LRP4: variants seen among roughly 807,000 people sequenced by gnomAD.
The protein encoded by LRP4 is LDL receptor related protein 4, also known as low-density lipoprotein receptor-related protein 4.
In LRP4, 95 loss-of-function variants were observed where a neutral mutation model predicts 220.3. The ratio of observed to expected loss-of-function variants is 0.43; its 90% CI spans 0.37 to 0.51. The LOEUF (loss-of-function observed/expected upper bound fraction) is 0.51. Among genes scored for constraint, LRP4 ranks in the 20% least tolerant of loss-of-function variants. LRP4 has a pLI of 0.00. For synonymous variants in LRP4, 903 were observed against 954.6 expected, an observed-to-expected ratio of 0.95 and a Z score of 1.00; for missense variants, 1,925 against 2,567.0, an observed-to-expected ratio of 0.75 and a Z score of 5.40.
chr11:46,896,190 C>T lies in LRP4; in HGVS notation c.1048+20G>A, dbSNP rs199512829. 7.7e-5 allele frequency: 124 copies of T among 1,613,280 alleles called. No homozygotes were observed. In the East Asian group the frequency reaches 1.5e-3, roughly 20 times the overall value. On this transcript the variant is annotated intron_variant, in intron 9 of 37. Coordinates refer to ENST00000378623, the MANE Select transcript of LRP4 (RefSeq NM_002334.4). ...TCGGCCACAAACCATGGGCCAGGTC[C>T]GCCCACTGGGGACACTCACGGCAAT...
At chr11:46,864,882 A>C (rs1176991728) in intron 35 of LRP4, among the ~76,000 whole-genome samples, 1 of 152,242 alleles carries the variant, frequency 6.6e-6, no homozygotes, top group Non-Finnish European at 1.5e-5. Flanking sequence ...GTATATATGC[A>C]TGTGCACACA....
intron 10 of LRP4, 114 bp from the exon 11 acceptor site, chr11:46,895,405 G>A: frequency 6.9e-7 from 1 of 1,449,790 alleles, no homozygotes; most frequent in East Asian, 2.3e-5. Flanking sequence ...AGGCCTAGTG[G>A]GAAGGCTGTC....
intron 34 of LRP4, among the ~76,000 whole-genome samples, chr11:46,866,285 T>G (rs939458483): frequency 6.6e-6 from 1 of 151,536 alleles, no homozygotes; most frequent in South Asian, 2.1e-4. Context: ...TTATTTTTTG[T>G]TTTTTGTTTT....
At chr11:46,898,062 C>CA (rs558000426) in intron 7 of LRP4, among the ~76,000 whole-genome samples, 9,132 of 138,782 alleles carry the variant, frequency 0.066, 994 homozygotes, top group African/African-American at 0.24. Context: ...CTGACCCCCC[C>CA]ACCTCCCTCC....
chr11:46,909,106 C>T (rs1009256752), intron 1 of LRP4, among the ~76,000 whole-genome samples: 5 of 152,138 alleles, frequency 3.3e-5, no homozygotes, highest in Non-Finnish European at 7.3e-5. Flanking sequence ...TGTCTAGCGG[C>T]ACTGCTCTCC....
rs1941984210 is a variant in LRP4 at position 46,918,306 on chromosome 11, T to C, written c.52+22A>G. The stretch of plus-strand genomic sequence containing the variant: ...GCAGCGGCCGGACCCAGGGACAAAC[T>C]TTCCCGGCGGGCGCCGCTTACCGTG... On this transcript the variant is annotated intron_variant, in intron 1 of 37. Transcript: ENST00000378623. This position sits in a 1 kb window ranked among gnomAD's most constrained non-coding sequence, Gnocchi z 6.0. The C allele has an allele frequency of 1.3e-6, 2 of 1,508,082 alleles. No individual in the cohort carries two copies. Among genetic ancestry groups the C allele is most frequent in the Non-Finnish European group, 1.8e-6 (2 of 1,134,110 alleles). 93.4% of individuals were successfully genotyped at this position (1,508,082 alleles called of 1,614,324 possible). A position where few individuals can be genotyped will look rare whatever the true frequency, so the allele number is the denominator to read the frequency against.
intron 1 of LRP4, among the ~76,000 whole-genome samples, chr11:46,915,927 C>A (rs577573844): frequency 9.9e-4 from 151 of 152,226 alleles, no homozygotes; most frequent in Admixed American, 2.8e-3. Flanking sequence ...GAGTGTCAGT[C>A]CAAAAGATGT....
At chr11:46,903,316 A>C (rs990279675) in intron 1 of LRP4, among the ~76,000 whole-genome samples, 3 of 152,156 alleles carry the variant, frequency 2.0e-5, no homozygotes, top group Non-Finnish European at 2.9e-5. Context: ...CAACATAGTG[A>C]GACCTTGTTT....
intron 37 of LRP4, 41 bp downstream of exon 37, chr11:46,862,565 C>A (rs774598593): frequency 1.2e-6 from 2 of 1,612,028 alleles, no homozygotes; most frequent in Non-Finnish European, 1.7e-6. Context: ...CCTCCCCACA[C>A]CTCGCCAAAA....
Position 46,859,071 on chromosome 11 carries a change from T to C in LRP4, c.5630A>G (p.His1877Arg), listed in dbSNP as rs769047003. 2 of 1,614,162 alleles carry C rather than the reference T, an allele frequency of 1.2e-6. No homozygotes were observed. The highest frequency in any genetic ancestry group is 8.5e-7 in the Non-Finnish European group (1 of 1,180,020). ...QEEQSECSSV[H>R]TAATPERRGS... ...TCGTCTTTCTGGAGTGGCTGCAGTA[T>C]GGACGCTGCTACACTCAGACTGCTC... The change falls in exon 38 of 38, where the codon CAT (histidine) becomes CGT (arginine). Residue 1877 changes from histidine to arginine, a missense_variant. Around this residue, in one of 3 missense-constraint regions of LRP4, gnomAD observed 1,244 missense variants for 1,624.9 expected, o/e 0.77. Coordinates refer to ENST00000378623, the MANE Select transcript of LRP4 (RefSeq NM_002334.4).
At position 46,879,304 on chromosome 11, in the gene LRP4, T is replaced by C; in HGVS notation, c.2826A>G (p.Gly942=). 6.2e-7 allele frequency: 1 copy of C among 1,614,098 alleles called. No homozygotes were observed. ...GCCCAAATGGGTGGGGGAGCTGGCT[T>C]CCAATCAGCACCTGCCAGGGCCCCA... The part of the protein sequence containing the change: ...LDGSKRKVLI[G]SQLPHPFGLT... Residue 942 remains glycine (G), a synonymous_variant, in exon 21 of 38, where the codon GGA becomes GGG. Coordinates refer to ENST00000378623, the MANE Select transcript of LRP4 (RefSeq NM_002334.4).
intron 16 of LRP4, among the ~76,000 whole-genome samples, chr11:46,889,134 G>C (rs1422968023): frequency 6.6e-6 from 1 of 152,196 alleles, no homozygotes; most frequent in Non-Finnish European, 1.5e-5. Flanking sequence ...GCTGCCTATA[G>C]AGAAGGCAAT....
In LRP4 at chr11:46,876,613, G is replaced by A. The variant is rs138418874; in HGVS notation, c.3389C>T (p.Ala1130Val). 48 of 1,614,138 alleles carry A rather than the reference G, an allele frequency of 3.0e-5. No homozygotes were observed. The highest frequency in any genetic ancestry group is 2.8e-4 in the African/African-American group (21 of 75,030). ...TACTTTCCGGCCAATGGCATCAACCGCGAGCCCATCTGTGGTCTGTAGCCC... is the reference window on the plus strand; with the variant it reads ...TACTTTCCGGCCAATGGCATCAACCACGAGCCCATCTGTGGTCTGTAGCCC... ...TTGLQTTDGLAVDAIGRKVYW... is the reference protein window; with the variant it reads ...TTGLQTTDGLVVDAIGRKVYW... The change falls in exon 25 of 38, where the codon GCG becomes GTG. Residue 1130 changes from alanine (A) to valine (V), a missense_variant. Ala to Val is a moderately conservative substitution (Grantham distance 64). Transcript: ENST00000378623.
At chr11:46,888,014 CA>C (rs59369000) in intron 16 of LRP4, among the ~76,000 whole-genome samples, 224 of 45,886 alleles carry the variant, frequency 4.9e-3, no homozygotes, top group African/African-American at 0.028. Flanking sequence ...GACCCTGTCT[CA>C]AAAAAAAAAA....
At chr11:46,862,817 C>A in intron 36 of LRP4, 70 bp from the exon 37 acceptor site, 1 of 1,433,538 alleles carries the variant, frequency 7.0e-7, no homozygotes, top group Non-Finnish European at 9.8e-7. Flanking sequence ...AAGCTGTAAA[C>A]TGAGTCTGGT....
chr11:46,893,767 T>A (rs908525061), intron 12 of LRP4, among the ~76,000 whole-genome samples: 4 of 148,274 alleles, frequency 2.7e-5, no homozygotes, highest in African/African-American at 1.0e-4. Flanking sequence ...GCCTGGCTAA[T>A]TTTTGTATTT....
At chr11:46,902,625 A>T (rs2134869751) in intron 2 of LRP4, among the ~76,000 whole-genome samples, 158 bp downstream of exon 2, 1 of 152,314 alleles carries the variant, frequency 6.6e-6, no homozygotes, top group Admixed American at 6.5e-5. Context: ...ATATATAGTG[A>T]AGAAACTACC....
Position 46,889,514 on chromosome 11 carries a change from G to A in LRP4, c.2112C>T (p.Asp704=), listed in dbSNP as rs140757594. 168 of 1,613,890 alleles carry A rather than the reference G, an allele frequency of 1.0e-4. No homozygotes were observed. The highest frequency in any genetic ancestry group is 1.3e-4 in the Non-Finnish European group (156 of 1,180,038). The part of the protein sequence containing the change: ...RQPAGKNRCG[D]NNGGCTHLCL... ...ACAGGTGCGTGCAGCCTCCGTTGTT[G>A]TCCCCACAGCGGTTTTTCCCTGCTC... Residue 704 remains aspartate, a synonymous_variant, in exon 16 of 38, where the codon GAC becomes GAT. Transcript: ENST00000378623.
intron 20 of LRP4, among the ~76,000 whole-genome samples, chr11:46,880,126 A>G (rs1354900040): frequency 1.3e-5 from 2 of 152,104 alleles, no homozygotes; most frequent in Non-Finnish European, 2.9e-5. Flanking sequence ...AAACAAACAA[A>G]AAATGCAAAT....
Sources: gnomAD v4.1 joint callset for allele counts (sites outside exome capture counted in the v4.1 genomes callset) on GRCh38, gnomAD v4.1.1 for gene constraint, gnomAD v4.1.1 regional missense constraint, Gnocchi (gnomAD v3.1) non-coding constraint, MANE v1.5 for transcripts, NCBI Gene and HGNC (gene_info 2026-07-23, HGNC 2026-07-21) for gene names.